ADGRL2: variants seen among roughly 807,000 people sequenced by gnomAD.
ADGRL2 encodes the protein calcium-independent alpha-latrotoxin receptor 2.
A neutral mutation model predicts 157.4 loss-of-function variants in ADGRL2; 44 were observed. The observed-to-expected ratio is 0.28, with a 90% CI of 0.22 to 0.36. The LOEUF (loss-of-function observed/expected upper bound fraction) is 0.36, where lower values mean the gene tolerates loss of function less well. Among genes scored for constraint, ADGRL2 ranks in the 10% least tolerant of loss-of-function variants. ADGRL2 has a pLI of 1.00. For synonymous variants in ADGRL2, 585 were observed against 624.7 expected (o/e 0.94, Z 0.95); for missense variants, 1,510 against 1,768.9 (o/e 0.85, Z 2.63).
chr1:81,438,463 T>C (rs985853660), intron 1 of ADGRL2, among the ~76,000 whole-genome samples: 3 of 152,204 alleles, frequency 2.0e-5, no homozygotes, highest in Non-Finnish European at 4.4e-5. Flanking sequence ...TCAACATGTT[T>C]GAAATACCAC....
intron 2 of ADGRL2, among the ~76,000 whole-genome samples, chr1:81,460,808 GAC>G (rs2077910523): frequency 1.3e-5 from 2 of 152,188 alleles, no homozygotes; most frequent in Non-Finnish European, 2.9e-5. Context: ...GGCATGGAAG[GAC>G]ACAGACTATA....
rs770603971 is a variant in ADGRL2, at chr1:81,502,007, G to T, written c.-248+56918G>T. 10 of 1,604,568 alleles carry T rather than the reference G, an allele frequency of 6.2e-6. No homozygotes were observed. In the South Asian group the frequency reaches 1.1e-4, roughly 18 times the overall value. On this transcript the variant is annotated intron_variant, in intron 2 of 24. Transcript: ENST00000370721. The stretch of plus-strand genomic sequence containing the variant: ...TCCCTTAGCCAGAGTTCCACCCACC[G>T]CAGCAGTGGCCCAAGTGTTTGAACG...
At chr1:81,866,490 T>G (rs180893903) in intron 2 of ADGRL2, among the ~76,000 whole-genome samples, 1 of 152,278 alleles carries the variant, frequency 6.6e-6, no homozygotes, top group South Asian at 2.1e-4. Flanking sequence ...GTTCAATGGA[T>G]GAATACAACT....
At chr1:81,490,161 C>T (rs1479945871) in intron 2 of ADGRL2, among the ~76,000 whole-genome samples, 3 of 139,724 alleles carry the variant, frequency 2.1e-5, no homozygotes, top group Non-Finnish European at 3.1e-5. Flanking sequence ...GACAGAGTTT[C>T]GCTCTTGTTG....
rs11582208 is a variant in ADGRL2 at position 81,900,366 on chromosome 1, G to A, written c.74-6651G>A. ...AGCATCGGGCTGCTCCTTATCCCCCGCAATCCCTCCATCTCTTACTCCTTA... is the reference window on the plus strand; with the variant it reads ...AGCATCGGGCTGCTCCTTATCCCCCACAATCCCTCCATCTCTTACTCCTTA... On this transcript the variant is annotated intron_variant, in intron 2 of 23. Coordinates refer to ENST00000686636, the MANE Select transcript of ADGRL2 (RefSeq NM_001366006.2). 9.6e-3 allele frequency among the ~76,000 whole-genome samples: 1,462 copies of A among 152,172 alleles called. 10 individuals are homozygous for A. The highest frequency in any genetic ancestry group is 0.016 in the South Asian group (76 of 4,818).
chr1:81,556,843 C>T (rs569245781), intron 2 of ADGRL2, among the ~76,000 whole-genome samples: 18 of 151,558 alleles, frequency 1.2e-4, no homozygotes, highest in Middle Eastern at 3.2e-3. Context: ...TTTGGGAGGC[C>T]GAGGCGGGTG....
intron 4 of ADGRL2, among the ~76,000 whole-genome samples, chr1:81,941,445 C>T (rs1647971876): frequency 6.6e-6 from 1 of 151,394 alleles, no homozygotes; most frequent in South Asian, 2.1e-4. Context: ...TTGAAACATA[C>T]TGGGATGCAT....
chr1:81,383,852 G>T (rs1462162084), intron 1 of ADGRL2, among the ~76,000 whole-genome samples: 5 of 148,206 alleles, frequency 3.4e-5, no homozygotes, highest in African/African-American at 1.2e-4. Context: ...TACTTGGGAG[G>T]CTGAGGCAGG....
intron 3 of ADGRL2, among the ~76,000 whole-genome samples, chr1:81,669,812 T>A (rs1387173834): frequency 1.3e-5 from 2 of 151,676 alleles, no homozygotes; most frequent in African/African-American, 4.9e-5. Flanking sequence ...GCATGGTGGC[T>A]GGTGCCCGTA....
At chr1:81,574,825 TTCCAAAATAAATGCCA>T (rs2148511885) in intron 2 of ADGRL2, among the ~76,000 whole-genome samples, 1 of 152,234 alleles carries the variant, frequency 6.6e-6, no homozygotes, top group East Asian at 1.9e-4. Flanking sequence ...ATTAGGAAAC[TTCCAAAATAAATGCCA>T]TTTAGCGAAG....
At chr1:81,657,318 AATAG>A (rs1292029242) in intron 3 of ADGRL2, among the ~76,000 whole-genome samples, 2 of 152,136 alleles carry the variant, frequency 1.3e-5, no homozygotes, top group Non-Finnish European at 2.9e-5. Flanking sequence ...TGTGTGGACA[AATAG>A]ATAGTGCCAT....
intron 1 of ADGRL2, among the ~76,000 whole-genome samples, chr1:81,311,272 T>C (rs1176822025): frequency 6.6e-6 from 1 of 152,188 alleles, no homozygotes; most frequent in Non-Finnish European, 1.5e-5. Context: ...ATGATTGTTG[T>C]TATACATAGT....
chr1:81,811,644 A>G lies in ADGRL2; in HGVS notation c.-101+10576A>G, dbSNP rs557869649. On this transcript the variant is annotated intron_variant, in intron 1 of 23. Transcript: ENST00000686636. ...CTGAAAACATATTACAGAAGGGTAAAGAGCATTTTGCAACCCAGATCAGTT... is the reference window on the plus strand; with the variant it reads ...CTGAAAACATATTACAGAAGGGTAAGGAGCATTTTGCAACCCAGATCAGTT... Among the ~76,000 whole-genome samples the G allele has an allele frequency of 4.5e-3, 688 of 151,956 alleles. 7 individuals are homozygous for G. Among genetic ancestry groups the G allele is most frequent in the Non-Finnish European group, 5.3e-3 (356 of 67,788 alleles).
At chr1:81,754,555 CTCTCTT>C (rs1477334800) in intron 1 of ADGRL2, among the ~76,000 whole-genome samples, 1 of 128,354 alleles carries the variant, frequency 7.8e-6, no homozygotes, top group Non-Finnish European at 1.6e-5. Flanking sequence ...TTCTTTCTTT[CTCTCTT>C]TCTTTCTTTC....
chr1:81,505,262 G>A (rs1191390590), intron 2 of ADGRL2: 2 of 534,344 alleles, frequency 3.7e-6, no homozygotes, highest in Non-Finnish European at 3.6e-6. Flanking sequence ...TCTGGCCTCA[G>A]CCTGCAGGGT....
intron 2 of ADGRL2, among the ~76,000 whole-genome samples, chr1:81,789,530 A>G (rs2087224824): frequency 6.6e-6 from 1 of 151,986 alleles, no homozygotes; most frequent in South Asian, 2.1e-4. Flanking sequence ...GATTGAGACC[A>G]TCCTGGCCAA....
chr1:81,364,133 A>G lies in ADGRL2; in HGVS notation c.-302+57624A>G, dbSNP rs1469706712. Among the ~76,000 whole-genome samples, 13 of 152,212 alleles carry G rather than the reference A, an allele frequency of 8.5e-5. No individual in the cohort carries two copies. The East Asian group carries it at 1.9e-3, about 23-fold the overall frequency. On this transcript the variant is annotated intron_variant, in intron 1 of 24. Transcript: ENST00000370721. ...CCCCTTACCCCCACTCTAAAATTCA[A>G]TAGAAAGCCAGACTAAAAAAATTGG...
At chr1:81,868,901 C>A (rs1485081533) in intron 2 of ADGRL2, among the ~76,000 whole-genome samples, 1 of 151,950 alleles carries the variant, frequency 6.6e-6, no homozygotes, top group Non-Finnish European at 1.5e-5. Context: ...TATTTAGTAA[C>A]CAAAGATGCA....
chr1:81,901,190 C>T (rs2094479528), intron 2 of ADGRL2, among the ~76,000 whole-genome samples: 1 of 152,006 alleles, frequency 6.6e-6, no homozygotes, highest in African/African-American at 2.4e-5. Flanking sequence ...CAGATGTGGA[C>T]CCAGTGTTAG....
Sources: allele counts gnomAD v4.1 joint callset (sites outside exome capture counted in the v4.1 genomes callset), GRCh38; gene constraint gnomAD v4.1.1; transcripts MANE v1.5; gene names NCBI Gene and HGNC (gene_info 2026-07-23, HGNC 2026-07-21).